Variants in SPATS1 observed in about 807,000 individuals in gnomAD.
SPATS1 encodes the protein spermatogenesis-associated serine-rich protein 1.
In SPATS1, 23 loss-of-function variants were observed where a neutral mutation model predicts 33.6. The observed-to-expected ratio is 0.68, with a 90% CI of 0.49 to 0.97. The LOEUF (loss-of-function observed/expected upper bound fraction) is 0.97. Among genes scored for constraint, SPATS1 ranks in the 50% least tolerant of loss-of-function variants. The probability of loss-of-function intolerance (pLI) is 0.00; values close to 1 mark genes in which losing one functional copy is unlikely to be tolerated. For synonymous variants in SPATS1, 131 were observed against 125.6 expected (o/e 1.04, Z -0.29); for missense variants, 327 against 361.0 (o/e 0.91, Z 0.76).
intron 7 of SPATS1, among the ~76,000 whole-genome samples, chr6:44,373,132 A>C (rs1409515450): frequency 1.3e-5 from 2 of 152,114 alleles, no homozygotes; most frequent in Non-Finnish European, 2.9e-5. Context: ...TTTTTTGTAA[A>C]GTTCCTTCTT....
chr6:44,372,201 C>G (rs1189426984), intron 7 of SPATS1, among the ~76,000 whole-genome samples: 1 of 149,842 alleles, frequency 6.7e-6, no homozygotes, highest in East Asian at 2.0e-4. Flanking sequence ...TTGAAGTGAG[C>G]CAAGATCACG....
At chr6:44,347,198 G>A (rs1787945628) in intron 2 of SPATS1, among the ~76,000 whole-genome samples, 3 of 152,124 alleles carry the variant, frequency 2.0e-5, no homozygotes. Flanking sequence ...CACAGGGAGG[G>A]GAATATCACA....
intron 2 of SPATS1, among the ~76,000 whole-genome samples, chr6:44,350,023 T>C (rs1188083226): frequency 2.0e-5 from 3 of 152,188 alleles, no homozygotes; most frequent in Non-Finnish European, 4.4e-5. Flanking sequence ...CCACCTCCCC[T>C]GGGCTTGACT....
chr6:44,358,217 C>T (rs1788705335), intron 3 of SPATS1, among the ~76,000 whole-genome samples: 1 of 152,108 alleles, frequency 6.6e-6, no homozygotes, highest in Admixed American at 6.5e-5. Flanking sequence ...TGCTTTGATG[C>T]CATTTAAATA....
In SPATS1 at chr6:44,378,542, C is replaced by G. The variant is rs1051979640; in HGVS notation, c.*1479C>G. ...ATCCCAGCACTTTTGGAGGCCGAGG[C>G]AGGCGAATCACTTGAGGTCAGGAGT... On this transcript the variant is annotated 3_prime_UTR_variant, in exon 9 of 9. Coordinates refer to ENST00000674044, the MANE Select transcript of SPATS1 (RefSeq NM_001372081.1). 1 of 152,186 alleles carries G rather than the reference C, an allele frequency of 6.6e-6. No individual in the cohort carries two copies. The highest frequency in any genetic ancestry group is 1.5e-5 in the Non-Finnish European group (1 of 68,084). The allele number at this position is 152,186 out of a possible 1,614,324, so 9.4% of individuals were successfully genotyped here. A position where few individuals can be genotyped will look rare whatever the true frequency, so the allele number is the denominator to read the frequency against.
At chr6:44,364,080 A>G (rs748594657) in intron 5 of SPATS1, among the ~76,000 whole-genome samples, 1 of 152,152 alleles carries the variant, frequency 6.6e-6, no homozygotes, top group Non-Finnish European at 1.5e-5. Context: ...CACCTGGCTA[A>G]CTTGTTTCAT....
intron 7 of SPATS1, among the ~76,000 whole-genome samples, chr6:44,376,064 C>A (rs1789927693): frequency 6.6e-6 from 1 of 151,320 alleles, no homozygotes; most frequent in Non-Finnish European, 1.5e-5. Context: ...TGAGATTGTG[C>A]CACTGCATTC....
At chr6:44,370,298 A>G (rs80187334) in intron 7 of SPATS1, among the ~76,000 whole-genome samples, 185 bp downstream of exon 7, 2,109 of 152,286 alleles carry the variant, frequency 0.014, 39 homozygotes, top group African/African-American at 0.048. Context: ...TGCAATTGGG[A>G]TGGTCACATA....
At chr6:44,365,560 T>C (rs1329708961) in intron 5 of SPATS1, among the ~76,000 whole-genome samples, 2 of 152,204 alleles carry the variant, frequency 1.3e-5, no homozygotes, top group East Asian at 3.8e-4. Flanking sequence ...ACCTGTGGCT[T>C]CTAAGATTGC....
intron 2 of SPATS1, among the ~76,000 whole-genome samples, chr6:44,346,497 T>A (rs1787894073): frequency 6.6e-6 from 1 of 152,100 alleles, no homozygotes; most frequent in African/African-American, 2.4e-5. Context: ...GCAGTCCTCA[T>A]GTCAGCCTCT....
intron 7 of SPATS1, among the ~76,000 whole-genome samples, chr6:44,370,787 C>T (rs1041154216): frequency 3.9e-5 from 6 of 152,098 alleles, no homozygotes; most frequent in South Asian, 2.1e-4. Context: ...TTATGGCACA[C>T]GATTAGGGCT....
intron 2 of SPATS1, 105 bp from the exon 3 acceptor site, chr6:44,352,621 A>G (rs1788307900): frequency 2.0e-6 from 2 of 1,017,828 alleles, no homozygotes; most frequent in Non-Finnish European, 3.0e-6. Flanking sequence ...GTAAATGTTC[A>G]ATAAATGTTA....
intron 5 of SPATS1, 29 bp downstream of exon 5, chr6:44,362,021 G>T: frequency 1.9e-6 from 3 of 1,613,728 alleles, no homozygotes; most frequent in Non-Finnish European, 2.5e-6. Context: ...TCTTGACTGT[G>T]CAGTCCCCGA....
rs543929019 is a variant in SPATS1, at chr6:44,368,454, G to C, written c.650G>C (p.Gly217Ala). The change falls in exon 6 of 9, where the codon GGC becomes GCC. Residue 217 changes from glycine (G) to alanine (A), a missense_variant. Physicochemically the swap from Gly to Ala is moderately conservative, Grantham distance 60 (BLOSUM62 0). Transcript: ENST00000674044. The stretch of plus-strand genomic sequence containing the variant: ...TATATGTACCCAGAACAGAGTAAAG[G>C]CTTCCACAAAGCAGGATCAATGCTC... Reference protein sequence around the residue: ...NPYMYPEQSKGFHKAGSMLPP... With the variant: ...NPYMYPEQSKAFHKAGSMLPP... 3.1e-6 allele frequency: 5 copies of C among 1,613,364 alleles called. No homozygotes were observed. The highest frequency in any genetic ancestry group is 3.4e-6 in the Non-Finnish European group (4 of 1,179,606).
chr6:44,356,264 G>C (rs1425239298), intron 3 of SPATS1, among the ~76,000 whole-genome samples: 1 of 152,098 alleles, frequency 6.6e-6, no homozygotes, highest in Admixed American at 6.5e-5. Flanking sequence ...GGGGGATCAA[G>C]CCCTGAAACA....
chr6:44,365,556 G>A (rs1789193634), intron 5 of SPATS1, among the ~76,000 whole-genome samples: 1 of 152,112 alleles, frequency 6.6e-6, no homozygotes, highest in South Asian at 2.1e-4. Flanking sequence ...CTCAACCTGT[G>A]GCTTCTAAGA....
Position 44,366,415 on chromosome 6 carries a change from C to T in SPATS1, c.575-1964C>T, listed in dbSNP as rs916683187. ...CTGGGATTACAAGCATGAGCCACTG[C>T]GCCTGGCCACCATAGTCTATTTCTA... is the stretch of plus-strand genomic sequence containing the variant. On this transcript the variant is annotated intron_variant, in intron 5 of 8. Coordinates refer to ENST00000674044, the MANE Select transcript of SPATS1 (RefSeq NM_001372081.1). 2.3e-4 allele frequency among the ~76,000 whole-genome samples: 35 copies of T among 152,224 alleles called. 1 individual carries two copies. The highest frequency in any genetic ancestry group is 3.4e-4 in the Non-Finnish European group (23 of 68,008).
intron 3 of SPATS1, among the ~76,000 whole-genome samples, chr6:44,354,823 A>T (rs1019413776): frequency 3.3e-5 from 5 of 151,914 alleles, no homozygotes; most frequent in Non-Finnish European, 5.9e-5. Context: ...CTCTATTTTT[A>T]TTTATTTATT....
intron 8 of SPATS1, 147 bp downstream of exon 8, chr6:44,376,620 T>A: frequency 3.5e-6 from 2 of 572,128 alleles, no homozygotes; most frequent in South Asian, 2.1e-5. Flanking sequence ...ACCAACATGG[T>A]GAAACCCCGT....
Sources: allele counts gnomAD v4.1 joint callset (sites outside exome capture counted in the v4.1 genomes callset), GRCh38; gene constraint gnomAD v4.1.1; transcripts MANE v1.5; gene names NCBI Gene and HGNC (gene_info 2026-07-23, HGNC 2026-07-21).